BTN2A1: variants seen among roughly 807,000 people sequenced by gnomAD.
BTN2A1 encodes butyrophilin subfamily 2 member A1.
A neutral mutation model predicts 34.5 loss-of-function variants in BTN2A1; 41 were observed. The ratio of observed to expected loss-of-function variants is 1.19; its 90% confidence interval spans 0.93 to 1.54. BTN2A1 has a LOEUF of 1.54. Among genes scored for constraint, BTN2A1 ranks in the 40% most tolerant of loss-of-function variants. BTN2A1 has a pLI of 0.00. For synonymous variants in BTN2A1, 267 were observed against 258.6 expected, an observed-to-expected ratio of 1.03 and a Z score of -0.31; for missense variants, 642 against 662.0, an observed-to-expected ratio of 0.97 and a Z score of 0.33.
chr6:26,463,497 GAAGA>G lies in BTN2A1; in HGVS notation c.692_695del (p.Glu231ValfsTer27), dbSNP rs1380015475. ...CTATCAACAACACCCTGCTCGGCCA[GAAGA>G]AAGAAAGTGTCATTTTTATTCCAGG... is the stretch of plus-strand genomic sequence containing the variant. On this transcript the variant is annotated frameshift_variant, in exon 4 of 8. Coordinates refer to ENST00000312541, the MANE Select transcript of BTN2A1 (RefSeq NM_007049.5). LOFTEE classifies it high-confidence loss of function. The G allele has an allele frequency of 6.2e-7, 1 of 1,614,034 alleles. No individual in the cohort carries two copies. The highest frequency in any genetic ancestry group is 2.2e-5 in the East Asian group (1 of 44,874).
chr6:26,462,723 A>T (rs749893025), intron 3 of BTN2A1: 1 of 1,027,912 alleles, frequency 9.7e-7, no homozygotes, highest in Admixed American at 2.3e-5. Flanking sequence ...AGAAGGGTCA[A>T]TGTCTTTGGA....
At chr6:26,466,904 C>G (rs2113865018) in intron 7 of BTN2A1, among the ~76,000 whole-genome samples, 1 of 152,312 alleles carries the variant, frequency 6.6e-6, no homozygotes, top group African/African-American at 2.4e-5. Context: ...TGGGAGAGGT[C>G]TGCAGAATGC....
chr6:26,465,559 TAGA>T (rs944189033), intron 5 of BTN2A1, among the ~76,000 whole-genome samples, 153 bp downstream of exon 5: 1 of 146,494 alleles, frequency 6.8e-6, no homozygotes, highest in Non-Finnish European at 1.5e-5. Context: ...AGAAAAAGAG[TAGA>T]AGGACAGTTC....
chr6:26,465,862 A>G, intron 5 of BTN2A1, 91 bp from the exon 6 acceptor site: 6 of 1,593,328 alleles, frequency 3.8e-6, no homozygotes, highest in East Asian at 2.3e-5. Context: ...GTTGCTGTTC[A>G]TAGAAAGGAC....
chr6:26,475,555 T>C (rs1302447599), intron 7 of BTN2A1, among the ~76,000 whole-genome samples: 2 of 152,202 alleles, frequency 1.3e-5, no homozygotes, highest in Non-Finnish European at 2.9e-5. Context: ...CATTTTGTTT[T>C]GTTTTGTGAA....
chr6:26,461,892 A>G (rs1292630907), intron 3 of BTN2A1, among the ~76,000 whole-genome samples: 3 of 152,112 alleles, frequency 2.0e-5, no homozygotes, highest in South Asian at 4.1e-4. Context: ...ATGGTGGCAC[A>G]TGCCTGTAGT....
rs761030891 is a variant in BTN2A1, at chr6:26,465,197, C to T, written c.725C>T (p.Pro242Leu). Reference sequence around the variant, plus strand: ...GCTGCCTTTTCAGAATCCTTTATGCCCAGTGTGTCTCCCTGTGCAGTGGCC... The same window carrying T: ...GCTGCCTTTTCAGAATCCTTTATGCTCAGTGTGTCTCCCTGTGCAGTGGCC... The part of the protein sequence containing the change: ...SVIFIPESFM[P>L]SVSPCAVALP... Residue 242 changes from proline (P) to leucine (L), a missense_variant, in exon 5 of 8, where the codon CCC (proline) becomes CTC (leucine). Pro to Leu is a moderately conservative substitution (Grantham distance 98). Coordinates refer to ENST00000312541, the MANE Select transcript of BTN2A1 (RefSeq NM_007049.5). The T allele has an allele frequency of 6.2e-7, 1 of 1,613,616 alleles. No homozygotes were observed. Among genetic ancestry groups the T allele is most frequent in the African/African-American group, 1.3e-5 (1 of 74,868 alleles).
Position 26,459,696 on chromosome 6 carries a change from A to T in BTN2A1, c.298A>T (p.Ser100Cys), listed in dbSNP as rs760185125. ...GTACCGAGGAAGAACCACCTTTGTGAGCAAAGACATCAGCAGGGGCAGCGT... is the reference window on the plus strand; with the variant it reads ...GTACCGAGGAAGAACCACCTTTGTGTGCAAAGACATCAGCAGGGGCAGCGT... ...EEYRGRTTFV[S>C]KDISRGSVAL... Residue 100 changes from serine (S) to cysteine (C), a missense_variant, in exon 3 of 8, where the codon AGC becomes TGC. Transcript: ENST00000312541. 1.9e-6 allele frequency: 3 copies of T among 1,614,168 alleles called. 1 individual carries two copies. The South Asian group carries it at 3.3e-5, about 18-fold the overall frequency.
At chr6:26,469,880 C>T (rs1352057103), downstream of BTN2A1, among the ~76,000 whole-genome samples, 1 of 151,098 alleles carries the variant, frequency 6.6e-6, no homozygotes, top group East Asian at 1.9e-4. Flanking sequence ...TTGTCTCTAC[C>T]AAAAACAAAC....
rs1286649167 is a variant in BTN2A1 at position 26,458,041 on chromosome 6, T to C, written c.-132T>C. 6.5e-6 allele frequency: 1 copy of C among 152,688 alleles called. No homozygotes were observed. Among genetic ancestry groups the C allele is most frequent in the Non-Finnish European group, 1.5e-5 (1 of 68,290 alleles). The allele number at this position is 152,688 out of a possible 1,614,324, so 9.5% of individuals were successfully genotyped here. On this transcript the variant is annotated 5_prime_UTR_variant, in exon 1 of 8. Transcript: ENST00000312541. ...CTCCTCTTTTGGGAAGGTTTGTGTCTAGTAGTGCCTGTGCCCCTGGGCAGA... is the reference window on the plus strand; with the variant it reads ...CTCCTCTTTTGGGAAGGTTTGTGTCCAGTAGTGCCTGTGCCCCTGGGCAGA...
chr6:26,476,290 C>A, exon 8 of BTN2A1: 1 of 957,386 alleles, frequency 1.0e-6, no homozygotes, highest in East Asian at 2.6e-5. Context: ...CTGTAGAGCC[C>A]ATCGCTCTCT....
At chr6:26,465,539 A>G in intron 5 of BTN2A1, 133 bp downstream of exon 5, 1 of 868,472 alleles carries the variant, frequency 1.2e-6, no homozygotes, top group Non-Finnish European at 1.8e-6. Context: ...TAATTAAAAA[A>G]AAAAAGAAAA....
intron 3 of BTN2A1, chr6:26,462,721 C>T: frequency 1.0e-6 from 1 of 997,960 alleles, no homozygotes; most frequent in Non-Finnish European, 1.4e-6. Context: ...ACAGAAGGGT[C>T]AATGTCTTTG....
At chr6:26,462,861 G>A (rs1427313861) in intron 3 of BTN2A1, 2 of 1,279,788 alleles carry the variant, frequency 1.6e-6, no homozygotes, top group Non-Finnish European at 2.0e-6. Context: ...TCCAAAACCT[G>A]CCTGTTTGAA....
Position 26,468,059 on chromosome 6 carries a change from A to C in BTN2A1, c.1094A>C (p.Asn365Thr), listed in dbSNP as rs948290465. Reference sequence around the variant, plus strand: ...CACCTAGGGGAGAGCGTGCCTGACAACCCAGAGAGATTCGACAGTCAGCCT... The same window carrying C: ...CACCTAGGGGAGAGCGTGCCTGACACCCCAGAGAGATTCGACAGTCAGCCT... ...FRHLGESVPD[N>T]PERFDSQPCV... The change falls in exon 8 of 8, where the codon AAC (asparagine) becomes ACC (threonine). Residue 365 changes from asparagine (N) to threonine (T), a missense_variant. Coordinates refer to ENST00000312541, the MANE Select transcript of BTN2A1 (RefSeq NM_007049.5). The C allele has an allele frequency of 6.2e-7, 1 of 1,614,058 alleles. No individual in the cohort carries two copies. Among genetic ancestry groups the C allele is most frequent in the Admixed American group, 1.7e-5 (1 of 60,006 alleles).
At chr6:26,470,857 C>G (rs1763436571), downstream of BTN2A1, among the ~76,000 whole-genome samples, 1 of 152,144 alleles carries the variant, frequency 6.6e-6, no homozygotes, top group South Asian at 2.1e-4. Flanking sequence ...AGCCATGCTG[C>G]CAGAATCTCA....
chr6:26,465,094 G>T, intron 4 of BTN2A1, 91 bp from the exon 5 acceptor site: 1 of 1,035,068 alleles, frequency 9.7e-7, no homozygotes, highest in Non-Finnish European at 1.5e-6. Flanking sequence ...AGAGCAGGTG[G>T]CTGAGGAGCT....
intron 4 of BTN2A1, 81 bp downstream of exon 4, chr6:26,463,606 G>T (rs1763233277): frequency 2.7e-6 from 4 of 1,492,538 alleles, no homozygotes; most frequent in African/African-American, 1.4e-5. Flanking sequence ...GGGGATGGGG[G>T]CAGCAGTGTG....
rs1763272861 is a variant in BTN2A1, at chr6:26,465,122, G to A, written c.713-63G>A. 3 of 1,431,980 alleles carry A rather than the reference G, an allele frequency of 2.1e-6. No homozygotes were observed. The African/African-American group carries it at 4.2e-5, about 20-fold the overall frequency. The allele number at this position is 1,431,980 out of a possible 1,614,324, so 88.7% of individuals were successfully genotyped here. On this transcript the variant is annotated intron_variant, in intron 4 of 7. Coordinates refer to ENST00000312541, the MANE Select transcript of BTN2A1 (RefSeq NM_007049.5). ...GAGGAGCTCTTCAAGTGTGCTCCTA[G>A]GGGCACTCTTACCCCAGATGTTCTG...
Sources: gnomAD v4.1 joint callset for allele counts (sites outside exome capture counted in the v4.1 genomes callset) on GRCh38, gnomAD v4.1.1 for gene constraint, MANE v1.5 for transcripts, NCBI Gene and HGNC (gene_info 2026-07-23, HGNC 2026-07-21) for gene names.